SLC9D1: variants seen among roughly 807,000 people sequenced by gnomAD.
The protein encoded by SLC9D1 is putative LAG1-interacting protein.
the SLC9D1 span, among the ~76,000 whole-genome samples, chr13:113,493,792 C>G: frequency 6.6e-6 from 1 of 151,636 alleles, no homozygotes; most frequent in African/African-American, 2.4e-5. Flanking sequence ...TAATTCTGAT[C>G]AGTACTGTTG....
the SLC9D1 span, chr13:113,496,056 G>GA: frequency 1.4e-6 from 2 of 1,472,376 alleles, no homozygotes; most frequent in Non-Finnish European, 9.3e-7. Context: ...GAGAGAGAGA[G>GA]GGAGAGGGAG....
At chr13:113,507,625 G>A in the SLC9D1 span, among the ~76,000 whole-genome samples, 4 of 152,276 alleles carry the variant, frequency 2.6e-5, no homozygotes, top group African/African-American at 4.8e-5. Context: ...GTAGCTGCTC[G>A]CTCCTCTAGC....
the SLC9D1 span, among the ~76,000 whole-genome samples, chr13:113,549,226 C>T: frequency 6.6e-6 from 1 of 151,844 alleles, no homozygotes; most frequent in South Asian, 2.1e-4. Context: ...TCCCAGCACT[C>T]GGCATGACCG....
chr13:113,530,326 T>C, the SLC9D1 span: 1 of 152,196 alleles, frequency 6.6e-6, no homozygotes, highest in African/African-American at 2.4e-5. Context: ...CTGGAAACCA[T>C]TGAATTGTAT....
the SLC9D1 span, among the ~76,000 whole-genome samples, chr13:113,513,194 G>A: frequency 6.6e-6 from 1 of 152,164 alleles, no homozygotes; most frequent in African/African-American, 2.4e-5. Flanking sequence ...TCAGATGGTG[G>A]GAGATAGCGG....
chr13:113,503,416 C>A, the SLC9D1 span: 1 of 992,012 alleles, frequency 1.0e-6, no homozygotes, highest in Non-Finnish European at 1.6e-6. Flanking sequence ...ACCGGGCATA[C>A]TAGGGCATGA....
At chr13:113,491,317 C>T in the SLC9D1 span, 2 of 152,322 alleles carry the variant, frequency 1.3e-5, no homozygotes, top group Non-Finnish European at 2.9e-5. Context: ...CCCGGGGTCC[C>T]CTTCCTTCCC....
At chr13:113,534,453 T>C in the SLC9D1 span, 2 of 563,024 alleles carry the variant, frequency 3.6e-6, no homozygotes, top group Non-Finnish European at 6.2e-6. Context: ...CTCATACTCT[T>C]AAGCACTTTG....
the SLC9D1 span, chr13:113,528,412 G>C: frequency 2.6e-5 from 4 of 152,232 alleles, no homozygotes; most frequent in Admixed American, 2.0e-4. Flanking sequence ...CCTTTTGCCA[G>C]ATCTTCTGTT....
chr13:113,496,795 G>A, the SLC9D1 span, among the ~76,000 whole-genome samples: 1 of 152,264 alleles, frequency 6.6e-6, no homozygotes, highest in South Asian at 2.1e-4. Context: ...ATAAATCAAG[G>A]TTTTCAATAA....
the SLC9D1 span, among the ~76,000 whole-genome samples, chr13:113,545,584 A>C: frequency 6.6e-6 from 1 of 152,102 alleles, no homozygotes; most frequent in African/African-American, 2.4e-5. Flanking sequence ...CTCCGCCCCC[A>C]GGGCCAGGAA....
the SLC9D1 span, chr13:113,529,817 G>C: frequency 6.6e-6 from 1 of 152,098 alleles, no homozygotes; most frequent in African/African-American, 2.4e-5. Context: ...GGTGATGGGG[G>C]TACAACAGTG....
the SLC9D1 span, among the ~76,000 whole-genome samples, chr13:113,535,626 C>T: frequency 1.3e-5 from 2 of 152,338 alleles, no homozygotes; most frequent in South Asian, 4.1e-4. The surrounding 1 kb of genome is among the most constrained non-coding windows in gnomAD (Gnocchi z 4.1). Context: ...AGCAGTAAAA[C>T]CACCGGCACA....
the SLC9D1 span, chr13:113,498,313 C>T: frequency 6.8e-7 from 1 of 1,467,048 alleles, no homozygotes; most frequent in African/African-American, 1.5e-5. Context: ...CTTAATATAT[C>T]TCACTCTTCT....
the SLC9D1 span, among the ~76,000 whole-genome samples, chr13:113,539,910 C>T: frequency 2.0e-5 from 3 of 152,100 alleles, no homozygotes; most frequent in African/African-American, 4.8e-5. The surrounding 1 kb of genome is among the most constrained non-coding windows in gnomAD (Gnocchi z 4.8). Context: ...CTCTTGCTCC[C>T]GTCTTTGTGT....
At chr13:113,497,055 A>C in the SLC9D1 span, among the ~76,000 whole-genome samples, 1 of 152,234 alleles carries the variant, frequency 6.6e-6, no homozygotes, top group Non-Finnish European at 1.5e-5. Context: ...CAGCTATACT[A>C]GCCCTCCAGT....
chr13:113,535,152 A>G, the SLC9D1 span: 1 of 152,394 alleles, frequency 6.6e-6, no homozygotes, highest in East Asian at 1.9e-4. The surrounding 1 kb of genome is among the most constrained non-coding windows in gnomAD (Gnocchi z 4.1). Flanking sequence ...CTCTGTCTTA[A>G]ATTTTCAAAT....
chr13:113,539,269 C>G, the SLC9D1 span: 2 of 1,266,394 alleles, frequency 1.6e-6, no homozygotes, highest in Admixed American at 4.0e-5. The surrounding 1 kb of genome is among the most constrained non-coding windows in gnomAD (Gnocchi z 4.8). Context: ...GTCGTGGTGG[C>G]TCTGCTGGGT....
the SLC9D1 span, chr13:113,528,392 T>C: frequency 1.3e-5 from 2 of 152,308 alleles, no homozygotes; most frequent in Middle Eastern, 6.8e-3. Context: ...GAAGAATTTT[T>C]TAGTATTTGC....
Sources: gnomAD v4.1 joint callset for allele counts (sites outside exome capture counted in the v4.1 genomes callset) on GRCh38, gnomAD v4.1.1 for gene constraint, Gnocchi (gnomAD v3.1) non-coding constraint, MANE v1.5 for transcripts, NCBI Gene and HGNC (gene_info 2026-07-23, HGNC 2026-07-21) for gene names.